TASOR2: variants seen among roughly 807,000 people sequenced by gnomAD.
TASOR2 encodes the protein protein TASOR 2.
In TASOR2, 84 loss-of-function variants were observed where a neutral mutation model predicts 199.5. That is an observed-to-expected ratio of 0.42 (90% CI 0.35 to 0.50). The LOEUF is 0.50. Among genes scored for constraint, TASOR2 ranks in the 20% least tolerant of loss-of-function variants. The pLI is 0.02. For synonymous variants in TASOR2, 1,103 were observed against 1,046.6 expected (o/e 1.05, Z -1.04); for missense variants, 2,796 against 2,835.9 (o/e 0.99, Z 0.32).
chr10:5,697,208 C>T (rs1837268282), intron 1 of TASOR2, among the ~76,000 whole-genome samples: 1 of 152,230 alleles, frequency 6.6e-6, no homozygotes, highest in Non-Finnish European at 1.5e-5. Context: ...TGATTTTCTT[C>T]CTACTTCTGA....
Position 5,740,462 on chromosome 10 carries a change from C to A in TASOR2, c.2292C>A (p.Asn764Lys). 1 of 1,613,370 alleles carries A rather than the reference C, an allele frequency of 6.2e-7. No homozygotes were observed. Among genetic ancestry groups the A allele is most frequent in the South Asian group, 1.1e-5 (1 of 91,076 alleles). Reference sequence around the variant, plus strand: ...GTTTAGACAGCAAATATACCAACAACCCACTGGAGAAAACTGTAGTAAGAG... The same window carrying A: ...GTTTAGACAGCAAATATACCAACAAACCACTGGAGAAAACTGTAGTAAGAG... Residue 764 changes from asparagine to lysine, a missense_variant, in exon 13 of 21, where the codon AAC becomes AAA. Physicochemically the swap from Asn to Lys is moderately conservative, Grantham distance 94. Around this residue, in one of 3 missense-constraint regions of TASOR2, gnomAD observed 847 missense variants for 887.4 expected, o/e 0.95. Coordinates refer to ENST00000328090, the Ensembl canonical transcript of TASOR2. The surrounding 1 kb of genome is among the most constrained non-coding windows in gnomAD (Gnocchi z 5.3).
At chr10:5,744,542 A>G (rs1193604758) in intron 14 of TASOR2, among the ~76,000 whole-genome samples, 1 of 152,088 alleles carries the variant, frequency 6.6e-6, no homozygotes, top group East Asian at 1.9e-4. Context: ...ACCTTAGGCA[A>G]TCCACCTGCC....
At chr10:5,727,104 T>G (rs1834142018) in exon 10 of TASOR2, 1 of 1,614,072 alleles carries the variant, frequency 6.2e-7, no homozygotes, top group South Asian at 1.1e-5. Context: ...TACATTTATT[T>G]CGTTCACCCC....
Position 5,737,158 on chromosome 10 carries a change from C to T in TASOR2, c.1447+1612C>T, listed in dbSNP as rs889319476. 6.6e-6 allele frequency among the ~76,000 whole-genome samples: 1 copy of T among 151,954 alleles called. No individual in the cohort carries two copies. Among genetic ancestry groups the T allele is most frequent in the Non-Finnish European group, 1.5e-5 (1 of 67,980 alleles). ...TATTTTTAGTAGAGATGGGGTTTAA[C>T]CATTTTGGCCAGGATAGTCTCAACT... On this transcript the variant is annotated intron_variant, in intron 12 of 20. Coordinates refer to ENST00000328090, the Ensembl canonical transcript of TASOR2. The surrounding 1 kb of genome is among the most constrained non-coding windows in gnomAD (Gnocchi z 4.9).
At position 5,709,875 on chromosome 10, in the gene TASOR2, T is replaced by C. The variant is rs185457109; in HGVS notation, c.-287-2948T>C. On this transcript the variant is annotated intron_variant, in intron 1 of 20. Transcript: ENST00000328090. The stretch of plus-strand genomic sequence containing the variant: ...AACATAAAACACGTATGTTCCTCTG[T>C]TGTGATTGAATTTAACCTTTCTCAC... Among the ~76,000 whole-genome samples the C allele has an allele frequency of 1.8e-4, 28 of 152,326 alleles. No individual in the cohort carries two copies. In the East Asian group the frequency reaches 5.2e-3, roughly 28 times the overall value.
chr10:5,743,490 TAAAGA>T (rs1170470577), intron 14 of TASOR2, among the ~76,000 whole-genome samples: 3 of 152,112 alleles, frequency 2.0e-5, no homozygotes, highest in Non-Finnish European at 2.9e-5. Context: ...CATAGAGAAG[TAAAGA>T]AATTGCCTAA....
chr10:5,761,123 A>G, intron 18 of TASOR2, 167 bp from the exon 20 acceptor site: 1 of 576,588 alleles, frequency 1.7e-6, no homozygotes, highest in South Asian at 2.3e-5. Flanking sequence ...TTACAAAAGG[A>G]GTAGGTACAA....
intron 12 of TASOR2, 149 bp from the exon 14 acceptor site, chr10:5,739,469 A>G: frequency 1.4e-6 from 1 of 696,748 alleles, no homozygotes. Flanking sequence ...GGGTTGGAAG[A>G]GACCTTAATC....
chr10:5,721,068 A>G (rs1329534373), intron 6 of TASOR2, 98 bp downstream of exon 7: 3 of 863,262 alleles, frequency 3.5e-6, no homozygotes, highest in African/African-American at 3.4e-5. Context: ...GGTGTAAAAT[A>G]CAGCAACTGT....
chr10:5,714,970 T>A (rs184686790), intron 2 of TASOR2, among the ~76,000 whole-genome samples: 1 of 152,088 alleles, frequency 6.6e-6, no homozygotes, highest in Non-Finnish European at 1.5e-5. Context: ...TGGGATGGCA[T>A]GGAAAGAGAA....
rs201959475 is a variant in TASOR2 at position 5,720,803 on chromosome 10, G to GT, written c.46+39dup. The stretch of plus-strand genomic sequence containing the variant: ...AGAAATAGTTCATTGATTCTTTTAG[G>GT]TTTTTTTTTTCTTGAGTAAATGTTT... On this transcript the variant is annotated intron_variant, in intron 5 of 20. Coordinates refer to ENST00000328090, the Ensembl canonical transcript of TASOR2. This position sits in a 1 kb window ranked among gnomAD's most constrained non-coding sequence, Gnocchi z 5.3. 0.014 allele frequency: 16,999 copies of GT among 1,197,204 alleles called. No individual in the cohort carries two copies. Among genetic ancestry groups the GT allele is most frequent in the East Asian group, 0.024 (699 of 29,274 alleles). The allele number at this position is 1,197,204 out of a possible 1,614,324, so 74.2% of individuals were successfully genotyped here.
chr10:5,762,974 T>C, intron 20 of TASOR2, 55 bp from the exon 22 acceptor site: 1 of 1,556,274 alleles, frequency 6.4e-7, no homozygotes, highest in Non-Finnish European at 8.8e-7. Flanking sequence ...GCTTATAAAA[T>C]ATTTCTTGTT....
At chr10:5,758,202 T>C (rs895975215) in intron 17 of TASOR2, among the ~76,000 whole-genome samples, 4 of 152,214 alleles carry the variant, frequency 2.6e-5, no homozygotes, top group African/African-American at 9.6e-5. Context: ...ATACCACTTC[T>C]AGATCAAAAG....
chr10:5,761,876 A>G (rs1172155766), intron 19 of TASOR2: 2 of 154,000 alleles, frequency 1.3e-5, no homozygotes, highest in Non-Finnish European at 2.9e-5. Context: ...TCTACTAAAA[A>G]TACAAAAATT....
intron 1 of TASOR2, among the ~76,000 whole-genome samples, chr10:5,700,867 T>C (rs1837744500): frequency 6.6e-6 from 1 of 152,106 alleles, no homozygotes; most frequent in Admixed American, 6.6e-5. Flanking sequence ...GAGCTCCTTA[T>C]ATATTCTGGT....
chr10:5,749,735 G>C (rs748670160), exon 15 of TASOR2: 7 of 1,614,100 alleles, frequency 4.3e-6, no homozygotes, highest in Non-Finnish European at 5.9e-6. Context: ...AAGGAATCTC[G>C]GAATGATATT....
chr10:5,750,301 A>G lies in TASOR2; in HGVS notation c.6606+274A>G, dbSNP rs1449060586. ...GTAGACATGCCCATACTTCAAGTGT[A>G]AATACAAACACATTCCGATGTTAAA... is the stretch of plus-strand genomic sequence containing the variant. On this transcript the variant is annotated intron_variant, in intron 15 of 20. Transcript: ENST00000328090. The surrounding 1 kb of genome is among the most constrained non-coding windows in gnomAD (Gnocchi z 5.4). Among the ~76,000 whole-genome samples, 3 of 152,252 alleles carry G rather than the reference A, an allele frequency of 2.0e-5. No individual in the cohort carries two copies. Among genetic ancestry groups the G allele is most frequent in the African/African-American group, 7.2e-5 (3 of 41,458 alleles).
In TASOR2 at chr10:5,754,545, A is replaced by C. The variant is rs893638496; in HGVS notation, c.6607-2068A>C. ...GCTGGGATTACAGGTGCGTGCCACCATGCCTGGCTAATTTTTGTATTTTTA... is the reference window on the plus strand; with the variant it reads ...GCTGGGATTACAGGTGCGTGCCACCCTGCCTGGCTAATTTTTGTATTTTTA... On this transcript the variant is annotated intron_variant, in intron 15 of 20. Coordinates refer to ENST00000328090, the Ensembl canonical transcript of TASOR2. This position sits in a 1 kb window ranked among gnomAD's most constrained non-coding sequence, Gnocchi z 4.3. Among the ~76,000 whole-genome samples, 1 of 152,100 alleles carries C rather than the reference A, an allele frequency of 6.6e-6. No homozygotes were observed.
At chr10:5,746,204 A>G (rs769558768) in exon 15 of TASOR2, 1 of 1,568,772 alleles carries the variant, frequency 6.4e-7, no homozygotes, top group South Asian at 1.2e-5. Flanking sequence ...GCTAAACAAG[A>G]ATCATTGGAG....
Sources: gnomAD v4.1 joint callset for allele counts (sites outside exome capture counted in the v4.1 genomes callset) on GRCh38, gnomAD v4.1.1 for gene constraint, gnomAD v4.1.1 regional missense constraint, Gnocchi (gnomAD v3.1) non-coding constraint, MANE v1.5 for transcripts, NCBI Gene and HGNC (gene_info 2026-07-23, HGNC 2026-07-21) for gene names.